The following ZNF398 variants were observed in gnomAD, a reference collection of about 807,000 sequenced individuals.
ZNF398 encodes the protein zinc finger protein 398, also known as zinc finger DNA binding protein ZER6.
In ZNF398, 18 loss-of-function variants were observed where a neutral mutation model predicts 41.9. The ratio of observed to expected loss-of-function variants is 0.43; its 90% CI spans 0.30 to 0.64. ZNF398 has a LOEUF of 0.64. ZNF398 is among the 30% of genes least tolerant of loss of function. ZNF398 has a pLI of 0.14. For synonymous variants in ZNF398, 260 were observed against 308.8 expected, an observed-to-expected ratio of 0.84 and a Z score of 1.66; for missense variants, 669 against 822.8, an observed-to-expected ratio of 0.81 and a Z score of 2.29.
At chr7:149,160,748 C>CT (rs1368818981) in intron 2 of ZNF398, among the ~76,000 whole-genome samples, 1 of 152,228 alleles carries the variant, frequency 6.6e-6, no homozygotes, top group Non-Finnish European at 1.5e-5. Context: ...CTGAGTAACT[C>CT]TGAGTCCTCC....
At chr7:149,152,860 C>CT (rs752636514) in intron 1 of ZNF398, among the ~76,000 whole-genome samples, 817 of 137,998 alleles carry the variant, frequency 5.9e-3, no homozygotes, top group East Asian at 8.1e-3. Flanking sequence ...TGCCCAGCCT[C>CT]TTTTTTTTTT....
chr7:149,172,917 G>T (rs1320763584), intron 4 of ZNF398, among the ~76,000 whole-genome samples: 4 of 151,962 alleles, frequency 2.6e-5, no homozygotes, highest in Non-Finnish European at 4.4e-5. Context: ...AATAAATTAT[G>T]TCTAAAAAAA....
chr7:149,163,155 G>A (rs1410288930), intron 2 of ZNF398, among the ~76,000 whole-genome samples: 16 of 151,934 alleles, frequency 1.1e-4, no homozygotes, highest in African/African-American at 2.4e-4. Context: ...TTAAATGCTC[G>A]GAAAAAGAGC....
At chr7:149,166,781 CTT>C in intron 3 of ZNF398, 34 bp from the exon 4 acceptor site, 1 of 1,477,996 alleles carries the variant, frequency 6.8e-7, no homozygotes, top group Non-Finnish European at 9.4e-7. Context: ...TCATTTATCT[CTT>C]TGTAATACTC....
rs367656133 is a variant in ZNF398 at position 149,126,814 on chromosome 7, C to T, written c.-612+159C>T. 6.4e-4 allele frequency among the ~76,000 whole-genome samples: 98 copies of T among 151,972 alleles called. 2 individuals are homozygous for T. Among genetic ancestry groups the T allele is most frequent in the Middle Eastern group, 3.5e-3 (1 of 286 alleles). On this transcript the variant is annotated intron_variant, in intron 1 of 6. Coordinates refer to the ZNF398 transcript ENST00000426851. ...TCCGTCCCGCCGGGGGCGCGGAGGC[C>T]GTGTGGGCCCCGGGCATGTCCCGTC...
chr7:149,151,459 C>T (rs1048559934), intron 1 of ZNF398, among the ~76,000 whole-genome samples: 1 of 152,278 alleles, frequency 6.6e-6, no homozygotes, highest in Admixed American at 6.5e-5. Context: ...CAGAGAGTGG[C>T]TTATCAGGTT....
At chr7:149,176,161 T>C (rs1013070165) in intron 4 of ZNF398, among the ~76,000 whole-genome samples, 3 of 151,658 alleles carry the variant, frequency 2.0e-5, no homozygotes, top group Non-Finnish European at 2.9e-5. Flanking sequence ...TGAAACCCCA[T>C]CTCTACTAAA....
At chr7:149,163,214 G>GT (rs1375789025) in intron 2 of ZNF398, among the ~76,000 whole-genome samples, 2 of 148,934 alleles carry the variant, frequency 1.3e-5, no homozygotes, top group African/African-American at 4.9e-5. Context: ...TTGTTTGTTT[G>GT]TTTTTTTCAG....
In ZNF398 at chr7:149,147,801, C is replaced by T; in HGVS notation, c.24+35C>T. On this transcript the variant is annotated intron_variant, in intron 1 of 5. Transcript: ENST00000475153. The surrounding 1 kb of genome is among the most constrained non-coding windows in gnomAD (Gnocchi z 5.6). ...GCCGCGCGCGAGTGTTGTGAGCCCC[C>T]GAGACCCAGACCCCGAGGGAGGAAG... 4 of 1,373,430 alleles carry T rather than the reference C, an allele frequency of 2.9e-6. No individual in the cohort carries two copies. Among genetic ancestry groups the T allele is most frequent in the South Asian group, 1.7e-5 (1 of 59,656 alleles). 85.1% of individuals were successfully genotyped at this position (1,373,430 alleles called of 1,614,324 possible).
chr7:149,179,086 G>T lies in ZNF398; in HGVS notation c.1214G>T (p.Arg405Met). 6.2e-7 allele frequency: 1 copy of T among 1,613,992 alleles called. No homozygotes were observed. Residue 405 changes from arginine (R) to methionine (M), a missense_variant, in exon 6 of 6, where the codon AGG (arginine) becomes ATG (methionine). By Grantham distance (91) the Arg-to-Met change is moderately conservative (BLOSUM62 -1). Transcript: ENST00000475153. This position sits in a 1 kb window ranked among gnomAD's most constrained non-coding sequence, Gnocchi z 6.1. ...CCCCCCACCTGCCCACACTGTGCCA[G>T]GACTTTTACTCACCCATCAAGACTT... Reference protein sequence around the residue: ...ETPPTCPHCARTFTHPSRLTY... With the variant: ...ETPPTCPHCAMTFTHPSRLTY...
chr7:149,156,965 A>T (rs1794993843), intron 2 of ZNF398, among the ~76,000 whole-genome samples: 1 of 152,150 alleles, frequency 6.6e-6, no homozygotes, highest in South Asian at 2.1e-4. Flanking sequence ...GTCTCAGAAG[A>T]ACCCAACTTG....
rs71192762 is a variant in ZNF398, at chr7:149,173,093, ATTTTTTTTTTTT to A, written c.662-3357_662-3346del. Among the ~76,000 whole-genome samples, 8 of 64,966 alleles carry A rather than the reference ATTTTTTTTTTTT, an allele frequency of 1.2e-4. 1 individual carries two copies. The highest frequency in any genetic ancestry group is 9.4e-4 in the Admixed American group (4 of 4,268). 42.6% of individuals were successfully genotyped at this position (64,966 alleles called of 152,430 possible). On this transcript the variant is annotated intron_variant, in intron 4 of 5. Transcript: ENST00000475153. ...GGTTGGGGTGGCTGTGGCAATTTCT[ATTTTTTTTTTTT>A]TTTTTTTTTTTTTTTTTGAGACAGA...
chr7:149,162,071 T>C lies in ZNF398; in HGVS notation c.421-4087T>C, dbSNP rs115587536. Among the ~76,000 whole-genome samples the C allele has an allele frequency of 8.7e-3, 1,326 of 152,304 alleles. 9 individuals are homozygous for C. Among genetic ancestry groups the C allele is most frequent in the African/African-American group, 0.015 (638 of 41,576 alleles). ...TTCAAGACAGGGTCTTGCTCTCGCCTGGGCTGGAGTGCAGTGGTGCTATCT... is the reference window on the plus strand; with the variant it reads ...TTCAAGACAGGGTCTTGCTCTCGCCCGGGCTGGAGTGCAGTGGTGCTATCT... On this transcript the variant is annotated intron_variant, in intron 2 of 5. Coordinates refer to ENST00000475153, the MANE Select transcript of ZNF398 (RefSeq NM_170686.3).
At chr7:149,130,141 G>A (rs1008964985) in intron 2 of ZNF398, among the ~76,000 whole-genome samples, 4 of 151,794 alleles carry the variant, frequency 2.6e-5, no homozygotes, top group Admixed American at 1.3e-4. Flanking sequence ...TGTTGCCCAG[G>A]CTGGAGTGCA....
In ZNF398 at chr7:149,147,566, T is replaced by TTCCTGCGCGTCCCGAGCC. The variant is rs1178979014; in HGVS notation, c.-176_-159dup. ...CCTGCTGCACCGCGCCTCCGCCGCG[T>TTCCTGCGCGTCCCGAGCC]TCCTGCGCGTCCCGAGCCCCGACGG... On this transcript the variant is annotated 5_prime_UTR_variant, in exon 1 of 6. Coordinates refer to ENST00000475153, the MANE Select transcript of ZNF398 (RefSeq NM_170686.3). This position sits in a 1 kb window ranked among gnomAD's most constrained non-coding sequence, Gnocchi z 5.6. 1 of 616,546 alleles carries TTCCTGCGCGTCCCGAGCC rather than the reference T, an allele frequency of 1.6e-6. No individual in the cohort carries two copies. The highest frequency in any genetic ancestry group is 2.3e-6 in the Non-Finnish European group (1 of 442,652). 38.2% of individuals were successfully genotyped at this position (616,546 alleles called of 1,614,324 possible). A position where few individuals can be genotyped will look rare whatever the true frequency, so the allele number is the denominator to read the frequency against.
intron 2 of ZNF398, among the ~76,000 whole-genome samples, chr7:149,154,778 C>T (rs1003927419): frequency 3.3e-5 from 5 of 151,634 alleles, no homozygotes; most frequent in African/African-American, 1.2e-4. Context: ...TACCTGAGGT[C>T]AGGAGTTTGA....
chr7:149,173,899 T>G (rs1193005112), intron 4 of ZNF398, among the ~76,000 whole-genome samples: 1 of 151,542 alleles, frequency 6.6e-6, no homozygotes, highest in African/African-American at 2.4e-5. Context: ...GTTCAAGCGA[T>G]TCTCCTGCCT....
At chr7:149,140,192 A>G (rs913870384) in intron 2 of ZNF398, among the ~76,000 whole-genome samples, 2 of 152,160 alleles carry the variant, frequency 1.3e-5, no homozygotes, top group African/African-American at 4.8e-5. Context: ...AGGAACTTTC[A>G]AATAGTTACA....
chr7:149,148,570 C>T, intron 1 of ZNF398: 3 of 777,286 alleles, frequency 3.9e-6, no homozygotes, highest in Non-Finnish European at 4.7e-6. Flanking sequence ...GGAAGAGCAG[C>T]GATGGGTAGG....
Sources: allele counts gnomAD v4.1 joint callset (sites outside exome capture counted in the v4.1 genomes callset), GRCh38; gene constraint gnomAD v4.1.1; non-coding constraint Gnocchi (gnomAD v3.1); transcripts MANE v1.5; gene names NCBI Gene and HGNC (gene_info 2026-07-23, HGNC 2026-07-21).